The following CCDC57 variants were observed in gnomAD, a reference collection of about 807,000 sequenced individuals.
The protein encoded by CCDC57 is coiled-coil domain containing 57.
CCDC57 carries 118 observed loss-of-function variants against 118.9 expected under a neutral mutation model. That is an observed-to-expected ratio of 0.99 (90% CI 0.86 to 1.16). The LOEUF is 1.16. Among genes scored for constraint, CCDC57 ranks in the 50% most tolerant of loss-of-function variants. The pLI is 0.00. For synonymous variants in CCDC57, 527 were observed against 532.9 expected (o/e 0.99, Z 0.15); for missense variants, 1,300 against 1,320.7 (o/e 0.98, Z 0.24).
At position 82,163,299 on chromosome 17, in the gene CCDC57, TCCTCCTGCTTGACCAGCTTGGACAGAC is replaced by T. The variant is rs1568323691; in HGVS notation, c.1914_1940del (p.Gln644_Gly652del). The stretch of plus-strand genomic sequence containing the variant: ...AGGATACTGGGCCAGCTTGGACAGA[TCCTCCTGCTTGACCAGCTTGGACAGAC>T]CCTCCGGCTTGACCAGCTTGGGCAG... On this transcript the variant is annotated inframe_deletion, in exon 14 of 20. Transcript: ENST00000665763. 3 of 1,613,954 alleles carry T rather than the reference TCCTCCTGCTTGACCAGCTTGGACAGAC, an allele frequency of 1.9e-6. No homozygotes were observed. The South Asian group carries it at 3.3e-5, about 18-fold the overall frequency.
intron 2 of CCDC57, among the ~76,000 whole-genome samples, chr17:82,203,214 A>G (rs2049202457): frequency 6.6e-6 from 1 of 151,732 alleles, no homozygotes. Flanking sequence ...CACCACTCAC[A>G]CTCCCCTCTT....
At position 82,141,482 on chromosome 17, in the gene CCDC57, G is replaced by C. The variant is rs556985062; in HGVS notation, c.2456-7288C>G. Among the ~76,000 whole-genome samples, 8 of 152,264 alleles carry C rather than the reference G, an allele frequency of 5.3e-5. No individual in the cohort carries two copies. The South Asian group carries it at 1.7e-3, about 32-fold the overall frequency. ...ATTACAGGCGTGAGCCACCGCGACT[G>C]CCCTAAAATTATTTTTTAAAGAGGC... On this transcript the variant is annotated intron_variant, in intron 16 of 19. Transcript: ENST00000665763.
chr17:82,193,268 G>A (rs991286157), intron 7 of CCDC57, among the ~76,000 whole-genome samples: 9 of 152,128 alleles, frequency 5.9e-5, no homozygotes, highest in Non-Finnish European at 2.9e-5. Flanking sequence ...GCAAGGCTGG[G>A]TGTGGCGGCT....
intron 19 of CCDC57, among the ~76,000 whole-genome samples, chr17:82,115,002 C>T (rs1037545808): frequency 6.6e-6 from 1 of 152,344 alleles, no homozygotes; most frequent in East Asian, 1.9e-4. Flanking sequence ...CCCGCAGGGA[C>T]ACCACTGCCC....
intron 3 of CCDC57, among the ~76,000 whole-genome samples, chr17:82,198,850 G>A (rs889056088): frequency 2.0e-5 from 3 of 151,740 alleles, no homozygotes; most frequent in East Asian, 1.9e-4. Flanking sequence ...AAAATTAGCC[G>A]GGCGTGGTGG....
intron 19 of CCDC57, chr17:82,107,374 T>TGGGGAGG (rs2144888287): frequency 2.2e-6 from 1 of 458,126 alleles, no homozygotes; most frequent in Non-Finnish European, 4.5e-6. Flanking sequence ...GCCGCGGGAG[T>TGGGGAGG]GGGGAGTGGG....
intron 16 of CCDC57, among the ~76,000 whole-genome samples, chr17:82,148,737 T>G (rs1598915304): frequency 1.6e-4 from 3 of 18,296 alleles, no homozygotes; most frequent in Non-Finnish European, 2.9e-4. Context: ...CATGGATGGG[T>G]GGGTGGGTGA....
At chr17:82,128,583 G>C (rs746137809) in exon 18 of CCDC57, 4 of 1,564,560 alleles carry the variant, frequency 2.6e-6, no homozygotes, top group Non-Finnish European at 3.5e-6. Flanking sequence ...CCTCATCCTC[G>C]GCACTCTTGG....
chr17:82,200,357 A>T (rs12150589), intron 3 of CCDC57, among the ~76,000 whole-genome samples: 73,951 of 152,040 alleles, frequency 0.49, 18,783 homozygotes, highest in East Asian at 0.88. Context: ...GTGGCTCTAT[A>T]TGGGGCCTGG....
exon 2 of CCDC57, chr17:82,207,877 G>C (rs1435721869): frequency 6.6e-6 from 1 of 152,162 alleles, no homozygotes; most frequent in African/African-American, 2.4e-5. Flanking sequence ...CAGGCAGGCG[G>C]TGTTGGAACT....
rs190241800 is a variant in CCDC57, at chr17:82,168,767, G to A, written c.1882+2934C>T. On this transcript the variant is annotated intron_variant, in intron 13 of 19. Coordinates refer to ENST00000665763, the Ensembl canonical transcript of CCDC57. ...GTTGCCAGACAAAGAGGAAGATTAC[G>A]TAACAATATAAGGGTCAATTATCCT... is the stretch of plus-strand genomic sequence containing the variant. Among the ~76,000 whole-genome samples, 49 of 146,990 alleles carry A rather than the reference G, an allele frequency of 3.3e-4. 1 individual carries two copies. The highest frequency in any genetic ancestry group is 1.1e-3 in the Admixed American group (16 of 14,438).
exon 8 of CCDC57, chr17:82,188,363 T>G: frequency 6.2e-7 from 1 of 1,611,408 alleles, no homozygotes; most frequent in Middle Eastern, 1.6e-4. Flanking sequence ...GTGGGCTCCC[T>G]TCACCGCCAC....
chr17:82,169,197 G>A (rs1568342289), intron 13 of CCDC57, among the ~76,000 whole-genome samples: 1 of 152,136 alleles, frequency 6.6e-6, no homozygotes. Flanking sequence ...TGCAATCTCG[G>A]CTCACTGCAA....
intron 16 of CCDC57, among the ~76,000 whole-genome samples, chr17:82,148,875 G>T: frequency 1.2e-5 from 1 of 86,832 alleles, no homozygotes; most frequent in Non-Finnish European, 2.2e-5. Flanking sequence ...GGGTGGGTGG[G>T]ATAAGTGGTT....
chr17:82,113,761 C>G, intron 19 of CCDC57: 1 of 668,282 alleles, frequency 1.5e-6, no homozygotes. Context: ...AGTGAGACCC[C>G]ATTTCTACAA....
intron 19 of CCDC57, among the ~76,000 whole-genome samples, chr17:82,102,537 A>G (rs538145530): frequency 6.6e-6 from 1 of 152,234 alleles, no homozygotes; most frequent in African/African-American, 2.4e-5. Flanking sequence ...CATTTTTTCA[A>G]TTAAGAATGT....
intron 13 of CCDC57, among the ~76,000 whole-genome samples, chr17:82,169,070 A>G (rs1211734808): frequency 3.3e-5 from 5 of 152,200 alleles, no homozygotes; most frequent in African/African-American, 1.2e-4. Flanking sequence ...GCGATAATGC[A>G]AGAAGAAGTA....
chr17:82,197,852 A>G (rs1359422539), intron 4 of CCDC57, among the ~76,000 whole-genome samples: 1 of 152,136 alleles, frequency 6.6e-6, no homozygotes, highest in Non-Finnish European at 1.5e-5. Context: ...GGGCTCCTGC[A>G]TCTTGGGCCT....
chr17:82,135,667 C>T (rs2039051147), intron 16 of CCDC57, among the ~76,000 whole-genome samples: 1 of 152,102 alleles, frequency 6.6e-6, no homozygotes, highest in Admixed American at 6.6e-5. Flanking sequence ...TGGGCAAAAA[C>T]CTCCTGAAGA....
Sources: gnomAD v4.1 joint callset for allele counts (sites outside exome capture counted in the v4.1 genomes callset) on GRCh38, gnomAD v4.1.1 for gene constraint, MANE v1.5 for transcripts, NCBI Gene and HGNC (gene_info 2026-07-23, HGNC 2026-07-21) for gene names.